SGCZ: variants seen among roughly 807,000 people sequenced by gnomAD.
The protein encoded by SGCZ is zeta-sarcoglycan.
In SGCZ, 40 loss-of-function variants were observed where a neutral mutation model predicts 41.3. The observed-to-expected ratio is 0.97, with a 90% CI of 0.75 to 1.26. The LOEUF (loss-of-function observed/expected upper bound fraction) is 1.26. SGCZ is among the 50% of genes most tolerant of loss of function. The pLI is 0.00. For synonymous variants in SGCZ, 206 were observed against 137.5 expected (o/e 1.50, Z -3.49); for missense variants, 552 against 369.8 (o/e 1.49, Z -4.04).
chr8:14,555,008 C>G (rs1803991509), intron 1 of SGCZ, 82 bp from the exon 2 acceptor site: 1 of 1,259,798 alleles, frequency 7.9e-7, no homozygotes, highest in Non-Finnish European at 1.1e-6. Flanking sequence ...TTTTTTGAAA[C>G]AAAAGAACAA....
At chr8:15,174,753 C>G (rs1476116819) in intron 1 of SGCZ, among the ~76,000 whole-genome samples, 2 of 152,204 alleles carry the variant, frequency 1.3e-5, no homozygotes, top group East Asian at 3.8e-4. Context: ...TAGTATGGAA[C>G]TGTATCTCAT....
intron 1 of SGCZ, among the ~76,000 whole-genome samples, chr8:14,659,416 T>C (rs1807677007): frequency 6.6e-6 from 1 of 152,200 alleles, no homozygotes; most frequent in Admixed American, 6.5e-5. Flanking sequence ...TATTGATTTC[T>C]TTTATAATTC....
intron 1 of SGCZ, among the ~76,000 whole-genome samples, chr8:14,988,146 A>T (rs1332215734): frequency 6.6e-6 from 1 of 151,976 alleles, no homozygotes; most frequent in East Asian, 1.9e-4. Context: ...TAGGGGATAC[A>T]TCTCATTCTT....
chr8:14,231,600 T>C (rs1041946639), intron 4 of SGCZ, among the ~76,000 whole-genome samples: 4 of 152,098 alleles, frequency 2.6e-5, no homozygotes, highest in South Asian at 2.1e-4. Flanking sequence ...CATGCTCTGT[T>C]CATTTGTCTC....
chr8:14,661,125 CATCATACAT>C (rs1720727267), intron 1 of SGCZ, among the ~76,000 whole-genome samples: 1 of 152,154 alleles, frequency 6.6e-6, no homozygotes, highest in South Asian at 2.1e-4. Flanking sequence ...TTTATGGAAA[CATCATACAT>C]AAGCTAAAAA....
At chr8:14,626,322 C>T (rs1358998549) in intron 1 of SGCZ, among the ~76,000 whole-genome samples, 2 of 152,076 alleles carry the variant, frequency 1.3e-5, no homozygotes, top group Admixed American at 1.3e-4. Context: ...ACCCCCTCAA[C>T]AGGCTCCTGT....
chr8:14,445,757 G>T (rs1348870081), intron 2 of SGCZ, among the ~76,000 whole-genome samples: 1 of 152,110 alleles, frequency 6.6e-6, no homozygotes, highest in Non-Finnish European at 1.5e-5. Flanking sequence ...TGTGGCAAGG[G>T]GTCAACTGAG....
intron 1 of SGCZ, among the ~76,000 whole-genome samples, chr8:15,113,015 C>T (rs544802558): frequency 3.9e-5 from 6 of 152,148 alleles, no homozygotes; most frequent in African/African-American, 1.4e-4. Context: ...TTGAGACCAG[C>T]CTGGGCAACA....
At chr8:14,583,542 G>T (rs1456637646) in intron 1 of SGCZ, among the ~76,000 whole-genome samples, 1 of 151,936 alleles carries the variant, frequency 6.6e-6, no homozygotes, top group African/African-American at 2.4e-5. Context: ...GGCTTTTGTT[G>T]CCATTGCTTT....
At chr8:14,928,250 G>A (rs541432649) in intron 1 of SGCZ, among the ~76,000 whole-genome samples, 1 of 152,290 alleles carries the variant, frequency 6.6e-6, no homozygotes, top group Admixed American at 6.5e-5. Flanking sequence ...CAATCAGAAT[G>A]TTGGCATAGG....
intron 1 of SGCZ, among the ~76,000 whole-genome samples, chr8:15,077,188 C>T (rs1410547135): frequency 6.6e-6 from 1 of 152,000 alleles, no homozygotes; most frequent in South Asian, 2.1e-4. Flanking sequence ...TGACCAAACT[C>T]GACTTTATCA....
chr8:14,754,993 G>A, intron 1 of SGCZ, among the ~76,000 whole-genome samples: 1 of 152,160 alleles, frequency 6.6e-6, no homozygotes, highest in Non-Finnish European at 1.5e-5. Context: ...GCCTCCCAAA[G>A]TTCTAGGATT....
chr8:14,907,205 T>C (rs1406108263), intron 1 of SGCZ, among the ~76,000 whole-genome samples: 1 of 152,086 alleles, frequency 6.6e-6, no homozygotes, highest in African/African-American at 2.4e-5. Context: ...TACCCATTAT[T>C]ATTTTTTGGG....
At chr8:14,603,815 G>A (rs889738014) in intron 1 of SGCZ, among the ~76,000 whole-genome samples, 1 of 152,020 alleles carries the variant, frequency 6.6e-6, no homozygotes, top group Non-Finnish European at 1.5e-5. Context: ...CGGGACCCTT[G>A]TCCTGTCTTT....
intron 3 of SGCZ, among the ~76,000 whole-genome samples, chr8:14,258,531 GA>G (rs1799544005): frequency 6.6e-6 from 1 of 152,064 alleles, no homozygotes; most frequent in African/African-American, 2.4e-5. Flanking sequence ...AAGATATGAA[GA>G]AATATAACAG....
At chr8:14,915,384 T>A (rs1799402723) in intron 1 of SGCZ, among the ~76,000 whole-genome samples, 1 of 152,090 alleles carries the variant, frequency 6.6e-6, no homozygotes, top group African/African-American at 2.4e-5. Context: ...TCGGTAAGAC[T>A]TTTCTCTTTA....
chr8:15,156,894 G>A (rs942493065), intron 1 of SGCZ, among the ~76,000 whole-genome samples: 25 of 148,868 alleles, frequency 1.7e-4, no homozygotes, highest in Non-Finnish European at 3.0e-4. Flanking sequence ...GCAGTAAGCC[G>A]AGCATGCAGC....
In SGCZ at chr8:14,085,326, C is replaced by G. The variant is rs904991150; in HGVS notation, c.*5117G>C. On this transcript the variant is annotated 3_prime_UTR_variant, in exon 8 of 8. Transcript: ENST00000382080. ...AAAACAAAATAAATGAATAGTGGAC[C>G]TGATTTAAAGAATTGTATAAATAAC... Among the ~76,000 whole-genome samples, 2 of 151,458 alleles carry G rather than the reference C, an allele frequency of 1.3e-5. No homozygotes were observed. Among genetic ancestry groups the G allele is most frequent in the Non-Finnish European group, 3.0e-5 (2 of 67,734 alleles).
chr8:14,461,720 A>G (rs999750051), intron 2 of SGCZ, among the ~76,000 whole-genome samples: 3 of 152,168 alleles, frequency 2.0e-5, no homozygotes, highest in Admixed American at 1.3e-4. Context: ...AAGTCCTACA[A>G]AAATAACTTA....
Sources: gnomAD v4.1 joint callset for allele counts (sites outside exome capture counted in the v4.1 genomes callset) on GRCh38, gnomAD v4.1.1 for gene constraint, MANE v1.5 for transcripts, NCBI Gene and HGNC (gene_info 2026-07-23, HGNC 2026-07-21) for gene names.